Variants in GSG1L observed in about 807,000 individuals in gnomAD.
The protein encoded by GSG1L is GSG1 like, also known as germ cell-specific gene 1-like protein.
GSG1L carries 24 observed loss-of-function variants against 42.1 expected under a neutral mutation model. That is an observed-to-expected ratio of 0.57 (90% CI 0.41 to 0.80). The LOEUF (loss-of-function observed/expected upper bound fraction) is 0.80, where lower values mean the gene tolerates loss of function less well. Ranked by LOEUF, GSG1L falls within the 30% of genes least tolerant of loss-of-function variation. The probability of loss-of-function intolerance (pLI) is 0.00; values close to 1 mark genes in which losing one functional copy is unlikely to be tolerated. For missense variants in GSG1L, 445 were observed against 472.2 expected (o/e 0.94, Z 0.53); for synonymous variants, 215 against 203.5 (o/e 1.06, Z -0.48).
chr16:28,053,469 G>C (rs933542095), intron 1 of GSG1L, among the ~76,000 whole-genome samples: 5 of 152,188 alleles, frequency 3.3e-5, no homozygotes, highest in Admixed American at 6.5e-5. Context: ...AGGACAGAGG[G>C]GGACTGGAGG....
chr16:27,875,710 C>T (rs1348245265), intron 3 of GSG1L, among the ~76,000 whole-genome samples: 1 of 152,116 alleles, frequency 6.6e-6, no homozygotes, highest in Non-Finnish European at 1.5e-5. Context: ...AGTAATTCAT[C>T]CTCTGGCATG....
chr16:27,996,327 C>T (rs1350136872), intron 1 of GSG1L, among the ~76,000 whole-genome samples: 2 of 152,178 alleles, frequency 1.3e-5, no homozygotes, highest in South Asian at 2.1e-4. Flanking sequence ...TTCTCTGTAA[C>T]CCAACAATTC....
At chr16:27,911,174 G>A (rs1380441055) in intron 2 of GSG1L, among the ~76,000 whole-genome samples, 1 of 151,896 alleles carries the variant, frequency 6.6e-6, no homozygotes, top group Non-Finnish European at 1.5e-5. Flanking sequence ...GGACTTCCTT[G>A]GAGTTTCTTG....
chr16:27,969,299 G>A (rs900244543), intron 1 of GSG1L, among the ~76,000 whole-genome samples: 10 of 152,064 alleles, frequency 6.6e-5, no homozygotes, highest in Non-Finnish European at 1.2e-4. Flanking sequence ...CCAGCCCTAG[G>A]AAAGAGCTCA....
chr16:27,850,059 C>T (rs887151227), intron 3 of GSG1L, among the ~76,000 whole-genome samples: 2 of 97,728 alleles, frequency 2.0e-5, no homozygotes, highest in African/African-American at 8.6e-5. Flanking sequence ...ATGGGAATCT[C>T]ACTCTGTCAC....
chr16:27,846,010 C>T (rs2083439393), intron 3 of GSG1L, among the ~76,000 whole-genome samples: 1 of 152,066 alleles, frequency 6.6e-6, no homozygotes, highest in South Asian at 2.1e-4. Flanking sequence ...TCAGTTGATC[C>T]TCCCACCTCA....
chr16:27,838,751 AG>A lies in GSG1L; in HGVS notation c.662+6198del, dbSNP rs532541061. ...ACGGCTGGGCACAGATGCATAATCC[AG>A]GCCACCCTCAGGGCCCAAGAGCTGA... is the stretch of plus-strand genomic sequence containing the variant. On this transcript the variant is annotated intron_variant, in intron 4 of 6. Coordinates refer to ENST00000447459, the MANE Select transcript of GSG1L (RefSeq NM_001109763.2). Among the ~76,000 whole-genome samples the A allele has an allele frequency of 3.2e-4, 48 of 152,252 alleles. No homozygotes were observed. The East Asian group carries it at 9.3e-3, about 29-fold the overall frequency.
At chr16:27,889,470 A>G (rs2084097899) in intron 2 of GSG1L, among the ~76,000 whole-genome samples, 1 of 152,202 alleles carries the variant, frequency 6.6e-6, no homozygotes, top group Non-Finnish European at 1.5e-5. Flanking sequence ...CAAGTCAAAA[A>G]GGAGGATGTT....
intron 4 of GSG1L, among the ~76,000 whole-genome samples, chr16:27,838,793 G>C (rs2083347608): frequency 6.6e-6 from 1 of 152,200 alleles, no homozygotes; most frequent in Non-Finnish European, 1.5e-5. Context: ...CTAGGAGCTG[G>C]ATAGTGGCAG....
Position 27,835,832 on chromosome 16 carries a change from T to C in GSG1L, c.663-6876A>G, listed in dbSNP as rs1596544065. 1.3e-5 allele frequency among the ~76,000 whole-genome samples: 2 copies of C among 152,290 alleles called. 1 individual carries two copies. The highest frequency in any genetic ancestry group is 1.3e-4 in the Admixed American group (2 of 15,304). On this transcript the variant is annotated intron_variant, in intron 4 of 6. Coordinates refer to ENST00000447459, the MANE Select transcript of GSG1L (RefSeq NM_001109763.2). ...ATATAATTGTCTTAAATATTTCCAC[T>C]GTATACATTTAGAATCACATCAGAC...
At chr16:27,860,587 T>A (rs946155770) in intron 3 of GSG1L, among the ~76,000 whole-genome samples, 2 of 151,986 alleles carry the variant, frequency 1.3e-5, no homozygotes, top group Non-Finnish European at 2.9e-5. Flanking sequence ...CATTGGGGAG[T>A]TTCTGATCCT....
chr16:27,850,315 C>T (rs1411621441), intron 3 of GSG1L, among the ~76,000 whole-genome samples: 1 of 152,134 alleles, frequency 6.6e-6, no homozygotes, highest in Non-Finnish European at 1.5e-5. Context: ...GCGTGAGCCA[C>T]CGTGCCGGCC....
At chr16:27,998,562 A>T (rs1043966920) in intron 1 of GSG1L, among the ~76,000 whole-genome samples, 8 of 152,124 alleles carry the variant, frequency 5.3e-5, no homozygotes, top group African/African-American at 1.9e-4. Flanking sequence ...TCGAGGCAGG[A>T]GGATTGCTTG....
At chr16:27,843,895 A>G (rs1462062873) in intron 4 of GSG1L, among the ~76,000 whole-genome samples, 3 of 152,216 alleles carry the variant, frequency 2.0e-5, no homozygotes, top group East Asian at 1.9e-4. Context: ...ACTCTAGTCA[A>G]TCTTGGAGAA....
chr16:27,878,320 T>G (rs2083911787), intron 3 of GSG1L, among the ~76,000 whole-genome samples: 1 of 152,152 alleles, frequency 6.6e-6, no homozygotes, highest in African/African-American at 2.4e-5. Context: ...ACAATCATGG[T>G]GGAAGGGGAA....
chr16:27,881,852 C>T (rs890047954), intron 3 of GSG1L, among the ~76,000 whole-genome samples: 1 of 152,154 alleles, frequency 6.6e-6, no homozygotes, highest in African/African-American at 2.4e-5. Context: ...CTGACTTTAC[C>T]TCCTGCACGG....
At chr16:27,886,348 G>T (rs2084029213) in intron 2 of GSG1L, among the ~76,000 whole-genome samples, 1 of 152,200 alleles carries the variant, frequency 6.6e-6, no homozygotes, top group South Asian at 2.1e-4. Context: ...GCTGAGGCAG[G>T]AGAATCGCTT....
chr16:27,905,351 G>T (rs1234041442), intron 2 of GSG1L, among the ~76,000 whole-genome samples: 1 of 149,004 alleles, frequency 6.7e-6, no homozygotes, highest in Non-Finnish European at 1.5e-5. Flanking sequence ...AAGCGACAGG[G>T]TCTCACTTTG....
chr16:27,900,880 C>A (rs2084248979), intron 2 of GSG1L, among the ~76,000 whole-genome samples: 2 of 151,334 alleles, frequency 1.3e-5, no homozygotes, highest in Non-Finnish European at 2.9e-5. Flanking sequence ...ATAATCCCAG[C>A]ACTTTGGGAG....
Sources: allele counts gnomAD v4.1 joint callset (sites outside exome capture counted in the v4.1 genomes callset), GRCh38; gene constraint gnomAD v4.1.1; transcripts MANE v1.5; gene names NCBI Gene and HGNC (gene_info 2026-07-23, HGNC 2026-07-21).